Variants in SLC25A21 observed in about 807,000 individuals in gnomAD.
The protein encoded by SLC25A21 is solute carrier family 25 member 21.
SLC25A21 carries 47 observed loss-of-function variants against 43.8 expected under a neutral mutation model. The ratio of observed to expected loss-of-function variants is 1.07; its 90% confidence interval spans 0.85 to 1.37. The LOEUF is 1.37. Ranked by LOEUF, SLC25A21 falls within the 40% of genes most tolerant of loss-of-function variation. The pLI, the probability that SLC25A21 is intolerant of heterozygous loss-of-function variation, is 0.00. For synonymous variants in SLC25A21, 131 were observed against 121.3 expected (o/e 1.08, Z -0.52); for missense variants, 352 against 350.2 (o/e 1.00, Z -0.04).
chr14:36,800,338 G>C (rs1017242769), intron 3 of SLC25A21, among the ~76,000 whole-genome samples: 4 of 152,080 alleles, frequency 2.6e-5, no homozygotes, highest in African/African-American at 9.7e-5. Flanking sequence ...ACTGACACCT[G>C]GATATGAATG....
intron 2 of SLC25A21, among the ~76,000 whole-genome samples, chr14:36,843,965 T>G (rs760542237): frequency 3.9e-5 from 6 of 152,226 alleles, no homozygotes; most frequent in Admixed American, 2.6e-4. Flanking sequence ...AGATCAGTTA[T>G]GTATAAAATC....
chr14:37,112,994 G>A (rs1438764119), intron 1 of SLC25A21, among the ~76,000 whole-genome samples: 3 of 151,984 alleles, frequency 2.0e-5, no homozygotes, highest in Non-Finnish European at 4.4e-5. Flanking sequence ...GCAAAGAAAC[G>A]ACACTCATTA....
At chr14:36,724,442 T>C (rs764114362) in intron 6 of SLC25A21, among the ~76,000 whole-genome samples, 26 of 152,174 alleles carry the variant, frequency 1.7e-4, no homozygotes, top group Admixed American at 9.2e-4. Context: ...GCTTATGCAG[T>C]AGGCAGGGAA....
At chr14:36,833,206 A>T (rs1382337668) in intron 2 of SLC25A21, among the ~76,000 whole-genome samples, 2 of 152,206 alleles carry the variant, frequency 1.3e-5, no homozygotes, top group Non-Finnish European at 2.9e-5. Flanking sequence ...AGAGAAAATA[A>T]ATAAACGCTT....
chr14:36,835,545 C>T (rs566820545), intron 2 of SLC25A21, among the ~76,000 whole-genome samples: 1 of 152,238 alleles, frequency 6.6e-6, no homozygotes, highest in African/African-American at 2.4e-5. Context: ...GGCCACAAAG[C>T]CAAAAGGTAA....
intron 1 of SLC25A21, among the ~76,000 whole-genome samples, chr14:37,084,438 C>T (rs1962445872): frequency 6.6e-6 from 1 of 152,186 alleles, no homozygotes; most frequent in African/African-American, 2.4e-5. Context: ...AGTGACAAAA[C>T]CAACTTGAAG....
chr14:36,995,382 T>C (rs1272252670), intron 1 of SLC25A21, among the ~76,000 whole-genome samples: 2 of 152,178 alleles, frequency 1.3e-5, no homozygotes, highest in African/African-American at 4.8e-5. Context: ...GCTTTTCTGT[T>C]TTTTATAATA....
At chr14:37,113,205 C>T (rs1963050097) in intron 1 of SLC25A21, among the ~76,000 whole-genome samples, 1 of 152,124 alleles carries the variant, frequency 6.6e-6, no homozygotes, top group Non-Finnish European at 1.5e-5. Flanking sequence ...CTATGGCTGG[C>T]TATCTGCTAG....
intron 1 of SLC25A21, among the ~76,000 whole-genome samples, chr14:37,031,162 T>A (rs1206791507): frequency 6.6e-6 from 1 of 152,158 alleles, no homozygotes; most frequent in Non-Finnish European, 1.5e-5. Flanking sequence ...AAACTTTGTA[T>A]AGAGACAAGA....
At chr14:36,949,425 G>T (rs567731259) in intron 1 of SLC25A21, among the ~76,000 whole-genome samples, 1 of 152,288 alleles carries the variant, frequency 6.6e-6, no homozygotes, top group East Asian at 1.9e-4. Flanking sequence ...GAATACATTT[G>T]TAAACCAAAC....
chr14:36,807,543 G>C (rs1888085915), intron 3 of SLC25A21, among the ~76,000 whole-genome samples: 1 of 152,148 alleles, frequency 6.6e-6, no homozygotes, highest in Non-Finnish European at 1.5e-5. Context: ...ACATGAGGGT[G>C]AGGGACGGTT....
At chr14:36,963,859 G>C (rs1392450302) in intron 1 of SLC25A21, among the ~76,000 whole-genome samples, 2 of 152,144 alleles carry the variant, frequency 1.3e-5, no homozygotes, top group Non-Finnish European at 2.9e-5. Flanking sequence ...GATGCTCAAA[G>C]TGCTCGGTAA....
intron 1 of SLC25A21, among the ~76,000 whole-genome samples, chr14:37,127,957 G>C (rs541791654): frequency 1.3e-5 from 2 of 152,296 alleles, no homozygotes; most frequent in Admixed American, 6.5e-5. Context: ...GAAGCAATGA[G>C]AATGTGATTC....
intron 2 of SLC25A21, among the ~76,000 whole-genome samples, chr14:36,822,982 C>T (rs895060183): frequency 6.6e-6 from 1 of 152,136 alleles, no homozygotes. Flanking sequence ...TAGTTTTGTA[C>T]ATCTTTCACA....
chr14:37,035,215 T>C (rs1277129683), intron 1 of SLC25A21, among the ~76,000 whole-genome samples: 1 of 152,212 alleles, frequency 6.6e-6, no homozygotes, highest in Non-Finnish European at 1.5e-5. Context: ...ACGATGATTC[T>C]ATCTGGACAG....
At chr14:37,072,372 T>C (rs1962191538) in intron 1 of SLC25A21, among the ~76,000 whole-genome samples, 1 of 152,162 alleles carries the variant, frequency 6.6e-6, no homozygotes, top group Non-Finnish European at 1.5e-5. Flanking sequence ...GTTGGGAAAC[T>C]GTATCTCTAC....
intron 1 of SLC25A21, among the ~76,000 whole-genome samples, chr14:37,124,149 T>C (rs1212771881): frequency 6.6e-6 from 1 of 151,988 alleles, no homozygotes; most frequent in African/African-American, 2.4e-5. Flanking sequence ...CAGGGTAGTC[T>C]TGAACTCCGT....
chr14:36,698,950 C>G (rs528093518), intron 7 of SLC25A21, among the ~76,000 whole-genome samples: 1 of 152,264 alleles, frequency 6.6e-6, no homozygotes, highest in African/African-American at 2.4e-5. Context: ...CTCCGTTCAG[C>G]TTTGTTCTGT....
rs563587038 is a variant in SLC25A21 at position 37,020,368 on chromosome 14, T to C, written c.71-145364A>G. ...TTGAGAAGCTTAATGACTTGCAAAA[T>C]ACATGAAACTTAGTATTTCCCATTT... On this transcript the variant is annotated intron_variant, in intron 1 of 9. Coordinates refer to ENST00000331299, the MANE Select transcript of SLC25A21 (RefSeq NM_030631.4). Among the ~76,000 whole-genome samples, 25 of 151,350 alleles carry C rather than the reference T, an allele frequency of 1.7e-4. 3 individuals carry two copies. The highest frequency in any genetic ancestry group is 6.1e-4 in the African/African-American group (25 of 41,274).
Sources: allele counts gnomAD v4.1 joint callset (sites outside exome capture counted in the v4.1 genomes callset), GRCh38; gene constraint gnomAD v4.1.1; transcripts MANE v1.5; gene names NCBI Gene and HGNC (gene_info 2026-07-23, HGNC 2026-07-21).